GAREM1: variants seen among roughly 807,000 people sequenced by gnomAD.
GAREM1 encodes GRB2 associated regulator of MAPK1 subtype 1.
A neutral mutation model predicts 71.3 loss-of-function variants in GAREM1; 26 were observed. The ratio of observed to expected loss-of-function variants is 0.36; its 90% CI spans 0.27 to 0.51. The LOEUF is 0.51. GAREM1 is among the 20% of genes least tolerant of loss of function. The pLI is 0.95. For missense variants in GAREM1, 1,026 were observed against 1,103.1 expected, an observed-to-expected ratio of 0.93 and a Z score of 0.99; for synonymous variants, 440 against 433.2, an observed-to-expected ratio of 1.02 and a Z score of -0.20.
intron 2 of GAREM1, among the ~76,000 whole-genome samples, chr18:32,380,242 G>A (rs1268275343): frequency 2.0e-5 from 3 of 152,082 alleles, no homozygotes; most frequent in South Asian, 2.1e-4. Context: ...TTGGGAGGCC[G>A]AAGCAGGGGG....
At chr18:32,281,759 G>C (rs1329651700) in intron 4 of GAREM1, among the ~76,000 whole-genome samples, 1 of 152,178 alleles carries the variant, frequency 6.6e-6, no homozygotes, top group Non-Finnish European at 1.5e-5. Flanking sequence ...TGGATCATGA[G>C]GTCAGGAGAT....
At chr18:32,356,297 A>G (rs972589638) in intron 2 of GAREM1, among the ~76,000 whole-genome samples, 2 of 152,190 alleles carry the variant, frequency 1.3e-5, no homozygotes, top group African/African-American at 4.8e-5. Flanking sequence ...TTGTTTTCTG[A>G]ACTCTTACAT....
intron 4 of GAREM1, among the ~76,000 whole-genome samples, chr18:32,276,776 T>C (rs1487123015): frequency 6.6e-6 from 1 of 152,004 alleles, no homozygotes; most frequent in African/African-American, 2.4e-5. Context: ...GTTTTGAAAA[T>C]ACTAACTTTG....
chr18:32,381,672 C>T (rs1244324422), intron 2 of GAREM1, among the ~76,000 whole-genome samples: 1 of 152,178 alleles, frequency 6.6e-6, no homozygotes, highest in South Asian at 2.1e-4. Context: ...ATTTAACTCA[C>T]CTGCAGGGGA....
chr18:32,329,703 T>TAAAAAA lies in GAREM1; in HGVS notation c.263-19386_263-19381dup, dbSNP rs756082703. Reference sequence around the variant, plus strand: ...CCTGGGTGACAGAGCGAGACTCCATTAAAAAAAAAAAAAAAAAAAAAAGAT... The same window carrying TAAAAAA: ...CCTGGGTGACAGAGCGAGACTCCATTAAAAAAAAAAAAAAAAAAAAAAAAAAAAGAT... On this transcript the variant is annotated intron_variant, in intron 2 of 5. Transcript: ENST00000269209. Among the ~76,000 whole-genome samples the TAAAAAA allele has an allele frequency of 6.1e-3, 473 of 78,122 alleles. 13 individuals carry two copies. The highest frequency in any genetic ancestry group is 0.024 in the African/African-American group (432 of 17,682). 51.3% of individuals were successfully genotyped at this position (78,122 alleles called of 152,430 possible). A position where few individuals can be genotyped will look rare whatever the true frequency, so the allele number is the denominator to read the frequency against.
In GAREM1 at chr18:32,266,687, A is replaced by G. The variant is rs1331963161; in HGVS notation, c.*1184T>C. 2.0e-5 allele frequency: 3 copies of G among 152,198 alleles called. No individual in the cohort carries two copies. Among genetic ancestry groups the G allele is most frequent in the African/African-American group, 7.2e-5 (3 of 41,446 alleles). The allele number at this position is 152,198 out of a possible 1,614,324, so 9.4% of individuals were successfully genotyped here. ...TTGGTATTTTAAAAATACTCAACAG[A>G]TGTAGCATATATAATAATAAAGGCC... On this transcript the variant is annotated 3_prime_UTR_variant, in exon 6 of 6. Transcript: ENST00000269209.
chr18:32,464,923 A>T (rs1407655164), intron 1 of GAREM1, among the ~76,000 whole-genome samples: 1 of 152,214 alleles, frequency 6.6e-6, no homozygotes, highest in African/African-American at 2.4e-5. Context: ...GTCACATAGC[A>T]GGGGCTTAGT....
At chr18:32,413,086 T>A (rs1171368522) in intron 1 of GAREM1, 8 of 1,538,078 alleles carry the variant, frequency 5.2e-6, no homozygotes, top group Admixed American at 5.1e-5. Context: ...AAATGGCTCC[T>A]CAGGCTCTCA....
At chr18:32,355,343 T>C (rs1760020610) in intron 2 of GAREM1, among the ~76,000 whole-genome samples, 1 of 152,182 alleles carries the variant, frequency 6.6e-6, no homozygotes, top group Admixed American at 6.5e-5. Context: ...ACCCTATCTA[T>C]GGATAAATAA....
rs551792524 is a variant in GAREM1, at chr18:32,307,715, G to T, written c.393+2478C>A. Among the ~76,000 whole-genome samples, 3 of 152,178 alleles carry T rather than the reference G, an allele frequency of 2.0e-5. No homozygotes were observed. The East Asian group carries it at 5.8e-4, about 29-fold the overall frequency. Reference sequence around the variant, plus strand: ...TTTTTGTATTTTTAGTAGAGATGGGGTTTCACCAAGTTGGTCAGGCTGGTC... The same window carrying T: ...TTTTTGTATTTTTAGTAGAGATGGGTTTTCACCAAGTTGGTCAGGCTGGTC... On this transcript the variant is annotated intron_variant, in intron 3 of 5. Transcript: ENST00000269209.
intron 1 of GAREM1, 37 bp from the exon 2 acceptor site, chr18:32,393,072 C>T: frequency 6.3e-7 from 1 of 1,590,806 alleles, no homozygotes; most frequent in Non-Finnish European, 8.6e-7. Context: ...ACTTAGAATT[C>T]ATAATCTGCT....
At chr18:32,284,429 G>A (rs1440541395) in intron 4 of GAREM1, among the ~76,000 whole-genome samples, 1 of 152,048 alleles carries the variant, frequency 6.6e-6, no homozygotes, top group Non-Finnish European at 1.5e-5. Context: ...TTAGTACCAA[G>A]GGCAAAGCTG....
chr18:32,276,523 T>A (rs1467491368), intron 4 of GAREM1, among the ~76,000 whole-genome samples: 3 of 152,190 alleles, frequency 2.0e-5, no homozygotes, highest in Non-Finnish European at 4.4e-5. Context: ...TGTGCAAGGT[T>A]CATGGGAGCA....
In GAREM1 at chr18:32,314,611, C is replaced by T. The variant is rs577123733; in HGVS notation, c.263-4288G>A. ...TGTTGTTGTTTTTTTTTTTTTGAGA[C>T]GGAGTCTCGCTCTGTCTCCCAGGCT... On this transcript the variant is annotated intron_variant, in intron 2 of 5. Transcript: ENST00000269209. 1.2e-4 allele frequency among the ~76,000 whole-genome samples: 18 copies of T among 144,530 alleles called. No homozygotes were observed. The South Asian group carries it at 2.2e-3, about 18-fold the overall frequency. 94.8% of individuals were successfully genotyped at this position (144,530 alleles called of 152,430 possible).
At position 32,265,570 on chromosome 18, in the gene GAREM1, G is replaced by C. The variant is rs1175877352; in HGVS notation, c.*2301C>G. 6.6e-6 allele frequency: 1 copy of C among 152,146 alleles called. No homozygotes were observed. Among genetic ancestry groups the C allele is most frequent in the African/African-American group, 2.4e-5 (1 of 41,438 alleles). The allele number at this position is 152,146 out of a possible 1,614,324, so 9.4% of individuals were successfully genotyped here. A position where few individuals can be genotyped will look rare whatever the true frequency, so the allele number is the denominator to read the frequency against. The stretch of plus-strand genomic sequence containing the variant: ...AGTGATACTAGACTGTAGCATAAGT[G>C]AATCAAAGGCCACAGTCCCTGCCCT... On this transcript the variant is annotated 3_prime_UTR_variant, in exon 6 of 6. Transcript: ENST00000269209.
intron 3 of GAREM1, among the ~76,000 whole-genome samples, chr18:32,298,075 A>C (rs1028094633): frequency 1.4e-4 from 22 of 152,204 alleles, no homozygotes; most frequent in African/African-American, 5.1e-4. Context: ...AGTTCTCCTT[A>C]CTAAATGTCA....
intron 1 of GAREM1, among the ~76,000 whole-genome samples, chr18:32,443,715 T>C (rs2144278898): frequency 6.6e-6 from 1 of 152,272 alleles, no homozygotes; most frequent in African/African-American, 2.4e-5. Flanking sequence ...AGTTTGATAG[T>C]TTCTCAAACA....
intron 2 of GAREM1, among the ~76,000 whole-genome samples, chr18:32,363,997 T>TACACAAATACATAA (rs1445122999): frequency 3.5e-5 from 1 of 28,924 alleles, no homozygotes; most frequent in African/African-American, 2.2e-4. Flanking sequence ...CATATATACA[T>TACACAAATACATAA]ATATATATAT....
At chr18:32,449,324 A>C (rs1489789660) in intron 1 of GAREM1, among the ~76,000 whole-genome samples, 2 of 152,190 alleles carry the variant, frequency 1.3e-5, no homozygotes, top group African/African-American at 4.8e-5. Flanking sequence ...GCCTTTGTTA[A>C]GAAGGTAAAA....
Sources: gnomAD v4.1 joint callset for allele counts (sites outside exome capture counted in the v4.1 genomes callset) on GRCh38, gnomAD v4.1.1 for gene constraint, MANE v1.5 for transcripts, NCBI Gene and HGNC (gene_info 2026-07-23, HGNC 2026-07-21) for gene names.